RIMKLA: variants seen among roughly 807,000 people sequenced by gnomAD.
The protein encoded by RIMKLA is N-acetylaspartylglutamate synthase A.
RIMKLA carries 14 observed loss-of-function variants against 32.7 expected under a neutral mutation model. The observed-to-expected ratio is 0.43, with a 90% CI of 0.28 to 0.67. RIMKLA has a LOEUF of 0.67. Among genes scored for constraint, RIMKLA ranks in the 30% least tolerant of loss-of-function variants. The pLI is 0.18. For missense variants in RIMKLA, 410 were observed against 519.0 expected, an observed-to-expected ratio of 0.79 and a Z score of 2.04; for synonymous variants, 176 against 204.1, an observed-to-expected ratio of 0.86 and a Z score of 1.18.
Position 42,415,531 on chromosome 1 carries a change from T to C in RIMKLA, c.*557T>C, listed in dbSNP as rs1020697447. On this transcript the variant is annotated 3_prime_UTR_variant, in exon 5 of 5. Transcript: ENST00000431473. ...GTTTTAGGGAGCTTCCTCATTAGCATTTTCAGTGAAGCACTTTGTAGAAAG... is the reference window on the plus strand; with the variant it reads ...GTTTTAGGGAGCTTCCTCATTAGCACTTTCAGTGAAGCACTTTGTAGAAAG... The C allele has an allele frequency of 7.9e-5, 12 of 152,472 alleles. No homozygotes were observed. The highest frequency in any genetic ancestry group is 2.9e-4 in the African/African-American group (12 of 41,450). The allele number at this position is 152,472 out of a possible 1,614,324, so 9.4% of individuals were successfully genotyped here. A position where few individuals can be genotyped will look rare whatever the true frequency, so the allele number is the denominator to read the frequency against.
rs1570339605 is a variant in RIMKLA, at chr1:42,422,992, A to T, written c.*8018A>T. Among the ~76,000 whole-genome samples, 1 of 152,096 alleles carries T rather than the reference A, an allele frequency of 6.6e-6. No individual in the cohort carries two copies. Among genetic ancestry groups the T allele is most frequent in the African/African-American group, 2.4e-5 (1 of 41,414 alleles). ...CTCAGGGGATTGAAAGAATCTGTGT[A>T]CTCACCAGAAGAACTCTGACAGGTC... On this transcript the variant is annotated 3_prime_UTR_variant, in exon 5 of 5. Coordinates refer to ENST00000431473, the MANE Select transcript of RIMKLA (RefSeq NM_173642.4).
At chr1:42,385,837 TTTCTTTC>T (rs1642936159) in intron 1 of RIMKLA, among the ~76,000 whole-genome samples, 37 of 80,712 alleles carry the variant, frequency 4.6e-4, no homozygotes, top group Admixed American at 1.0e-3. Flanking sequence ...CCTTTCTTTC[TTTCTTTC>T]TCTTTCTTTC....
intron 4 of RIMKLA, among the ~76,000 whole-genome samples, chr1:42,413,444 C>T (rs1417523099): frequency 7.0e-6 from 1 of 142,970 alleles, no homozygotes; most frequent in Non-Finnish European, 1.5e-5. Context: ...GCGGAGGTTG[C>T]AGTGAGTCAA....
intron 1 of RIMKLA, among the ~76,000 whole-genome samples, chr1:42,394,146 A>T (rs1248488547): frequency 6.6e-6 from 1 of 152,214 alleles, no homozygotes; most frequent in Non-Finnish European, 1.5e-5. Context: ...ACTGCCAGCC[A>T]CTGTTACATG....
Position 42,409,537 on chromosome 1 carries a change from T to C in RIMKLA, c.482-447T>C, listed in dbSNP as rs72964241. 1.7e-3 allele frequency among the ~76,000 whole-genome samples: 264 copies of C among 152,368 alleles called. 2 individuals carry two copies. The highest frequency in any genetic ancestry group is 6.1e-3 in the African/African-American group (254 of 41,580). Reference sequence around the variant, plus strand: ...TCTCTAAAGTATTTTCAACAAATTATGTTCTACAAACATTAATTGGCATCT... The same window carrying C: ...TCTCTAAAGTATTTTCAACAAATTACGTTCTACAAACATTAATTGGCATCT... On this transcript the variant is annotated intron_variant, in intron 3 of 4. Transcript: ENST00000431473.
chr1:42,391,608 G>A (rs929530409), intron 1 of RIMKLA, among the ~76,000 whole-genome samples: 10 of 152,152 alleles, frequency 6.6e-5, no homozygotes, highest in African/African-American at 2.4e-4. Context: ...GGAATTTTCT[G>A]TCCATTGAGT....
rs1013684673 is a variant in RIMKLA, at chr1:42,423,663, A to G, written c.*8689A>G. Among the ~76,000 whole-genome samples the G allele has an allele frequency of 6.6e-6, 1 of 152,146 alleles. No homozygotes were observed. The highest frequency in any genetic ancestry group is 2.4e-5 in the African/African-American group (1 of 41,426). On this transcript the variant is annotated 3_prime_UTR_variant, in exon 5 of 5. Transcript: ENST00000431473. ...TGGGATCTTGGGATTTCCTCTCCTC[A>G]AAGAATAAGCCTGTGACACTTCCCC...
chr1:42,380,985 C>T lies in RIMKLA; in HGVS notation c.51C>T (p.Tyr17=). 2 of 1,451,684 alleles carry T rather than the reference C, an allele frequency of 1.4e-6. No individual in the cohort carries two copies. Among genetic ancestry groups the T allele is most frequent in the South Asian group, 1.3e-5 (1 of 74,846 alleles). 89.9% of individuals were successfully genotyped at this position (1,451,684 alleles called of 1,614,324 possible). The part of the protein sequence containing the change: ...FLTDRRIRED[Y]PQVQILRALR... ...CGGACCGGCGCATCCGCGAGGACTACCCGCAGGTGCAGATCCTGCGCGCCC... is the reference window on the plus strand; with the variant it reads ...CGGACCGGCGCATCCGCGAGGACTATCCGCAGGTGCAGATCCTGCGCGCCC... The change falls in exon 1 of 5, where the codon TAC becomes TAT. Residue 17 remains tyrosine, a synonymous_variant. Transcript: ENST00000431473.
Position 42,394,739 on chromosome 1 carries a change from AT to A in RIMKLA, c.164-4651del, listed in dbSNP as rs113030477. Among the ~76,000 whole-genome samples the A allele has an allele frequency of 5.4e-3, 786 of 145,560 alleles. 8 individuals are homozygous for A. Among genetic ancestry groups the A allele is most frequent in the African/African-American group, 0.014 (573 of 40,022 alleles). On this transcript the variant is annotated intron_variant, in intron 1 of 4. Coordinates refer to ENST00000431473, the MANE Select transcript of RIMKLA (RefSeq NM_173642.4). Reference sequence around the variant, plus strand: ...CAAATGCGTAAGTCCAGTTATGAAGATTTTTTTTTTTTTTGAGACGGAGTTT... The same window carrying A: ...CAAATGCGTAAGTCCAGTTATGAAGATTTTTTTTTTTTTGAGACGGAGTTT...
chr1:42,386,783 G>A (rs1272081301), intron 1 of RIMKLA, among the ~76,000 whole-genome samples: 1 of 151,794 alleles, frequency 6.6e-6, no homozygotes, highest in East Asian at 1.9e-4. Flanking sequence ...TACTCGGGAG[G>A]CTGAGGTGGG....
At position 42,415,090 on chromosome 1, in the gene RIMKLA, G is replaced by A. The variant is rs1182079600; in HGVS notation, c.*116G>A. On this transcript the variant is annotated 3_prime_UTR_variant, in exon 5 of 5. Coordinates refer to ENST00000431473, the MANE Select transcript of RIMKLA (RefSeq NM_173642.4). ...GCACAGAAACTAGAAATCCCATCTG[G>A]GCACTCAGCATTTTTTCTAACGATG... The A allele has an allele frequency of 2.6e-6, 3 of 1,149,448 alleles. No individual in the cohort carries two copies. The highest frequency in any genetic ancestry group is 1.5e-5 in the African/African-American group (1 of 64,696). 71.2% of individuals were successfully genotyped at this position (1,149,448 alleles called of 1,614,324 possible). A position where few individuals can be genotyped will look rare whatever the true frequency, so the allele number is the denominator to read the frequency against.
Position 42,423,249 on chromosome 1 carries a change from C to A in RIMKLA, c.*8275C>A, listed in dbSNP as rs1218577276. ...TTGGGGTATGACATTATGTACCATTCATATTGTCCTTGAACCCAAACACTG... is the reference window on the plus strand; with the variant it reads ...TTGGGGTATGACATTATGTACCATTAATATTGTCCTTGAACCCAAACACTG... On this transcript the variant is annotated 3_prime_UTR_variant, in exon 5 of 5. Transcript: ENST00000431473. Among the ~76,000 whole-genome samples, 2 of 152,142 alleles carry A rather than the reference C, an allele frequency of 1.3e-5. No individual in the cohort carries two copies. Among genetic ancestry groups the A allele is most frequent in the Non-Finnish European group, 2.9e-5 (2 of 68,030 alleles).
At chr1:42,407,505 G>T (rs1643157898) in intron 3 of RIMKLA, among the ~76,000 whole-genome samples, 1 of 152,080 alleles carries the variant, frequency 6.6e-6, no homozygotes, top group African/African-American at 2.4e-5. Context: ...TTTATGTATG[G>T]TATGAGGTAG....
chr1:42,409,385 AAAGG>A (rs1643178281), intron 3 of RIMKLA, among the ~76,000 whole-genome samples: 1 of 152,186 alleles, frequency 6.6e-6, no homozygotes. Context: ...TTTATGTCTA[AAAGG>A]AAGGATGTCT....
intron 4 of RIMKLA, among the ~76,000 whole-genome samples, chr1:42,411,796 G>A (rs1016875650): frequency 1.3e-5 from 2 of 152,024 alleles, no homozygotes; most frequent in South Asian, 2.1e-4. Context: ...TCAGCCTCCC[G>A]AGTAGCTGGG....
At chr1:42,394,392 TTATG>T (rs1353113266) in intron 1 of RIMKLA, among the ~76,000 whole-genome samples, 2 of 152,240 alleles carry the variant, frequency 1.3e-5, no homozygotes, top group African/African-American at 4.8e-5. Flanking sequence ...TGATGACTCA[TTATG>T]TATCGGCTTT....
At chr1:42,396,360 G>A (rs1468969299) in intron 1 of RIMKLA, 2 of 151,856 alleles carry the variant, frequency 1.3e-5, no homozygotes, top group African/African-American at 4.8e-5. Flanking sequence ...TGGATAGCCA[G>A]CATGCACAAG....
At chr1:42,390,202 T>C (rs1570317079) in intron 1 of RIMKLA, among the ~76,000 whole-genome samples, 1 of 152,074 alleles carries the variant, frequency 6.6e-6, no homozygotes, top group African/African-American at 2.4e-5. Context: ...CACACTCAGC[T>C]ATTTTCTGTA....
chr1:42,389,077 T>C (rs1642975264), intron 1 of RIMKLA, among the ~76,000 whole-genome samples: 1 of 152,194 alleles, frequency 6.6e-6, no homozygotes, highest in African/African-American at 2.4e-5. Flanking sequence ...ATATTGGGTG[T>C]TCAGGAAAGA....
Sources: gnomAD v4.1 joint callset for allele counts (sites outside exome capture counted in the v4.1 genomes callset) on GRCh38, gnomAD v4.1.1 for gene constraint, MANE v1.5 for transcripts, NCBI Gene and HGNC (gene_info 2026-07-23, HGNC 2026-07-21) for gene names.